HK2: variants seen among roughly 807,000 people sequenced by gnomAD.
The protein encoded by HK2 is hexokinase-2.
A neutral mutation model predicts 92.9 loss-of-function variants in HK2; 42 were observed. The ratio of observed to expected loss-of-function variants is 0.45; its 90% CI spans 0.35 to 0.58. The LOEUF is 0.58. Ranked by LOEUF, HK2 falls within the 20% of genes least tolerant of loss-of-function variation. The probability of loss-of-function intolerance (pLI) is 0.00; values close to 1 mark genes in which losing one functional copy is unlikely to be tolerated. For missense variants in HK2, 978 were observed against 1,245.1 expected (o/e 0.79, Z 3.23); for synonymous variants, 422 against 468.0 (o/e 0.90, Z 1.27).
chr2:74,881,659 A>G, intron 10 of HK2, 52 bp from the exon 11 acceptor site: 1 of 1,596,832 alleles, frequency 6.3e-7, no homozygotes, highest in Non-Finnish European at 8.6e-7. Context: ...TACTGTCTCC[A>G]CATTCCCCAT....
rs142840916 is a variant in HK2 at position 74,865,441 on chromosome 2, C to T, written c.227-2195C>T. 9.8e-4 allele frequency among the ~76,000 whole-genome samples: 149 copies of T among 152,136 alleles called. 2 individuals are homozygous for T. The highest frequency in any genetic ancestry group is 3.3e-3 in the African/African-American group (136 of 41,444). The stretch of plus-strand genomic sequence containing the variant: ...CTGTGGTCACTGATTCAGCGGATCG[C>T]GTGTATCCTGGACTTGAGAGTGCTG... On this transcript the variant is annotated intron_variant, in intron 2 of 17. Transcript: ENST00000290573.
rs143483695 is a variant in HK2, at chr2:74,850,320, T to G, written c.64-3973T>G. Among the ~76,000 whole-genome samples the G allele has an allele frequency of 1.4e-3, 213 of 152,334 alleles. 2 individuals carry two copies. The highest frequency in any genetic ancestry group is 4.9e-3 in the African/African-American group (205 of 41,572). ...CTTATCACAAGTGACAGAATGGAGA[T>G]TAGGCAGAAGTATCAGAAAGCAGAT... On this transcript the variant is annotated intron_variant, in intron 1 of 17. Transcript: ENST00000290573.
intron 2 of HK2, among the ~76,000 whole-genome samples, chr2:74,867,379 A>T (rs1688979243): frequency 6.6e-6 from 1 of 151,818 alleles, no homozygotes. Flanking sequence ...AGAGGAAAGG[A>T]TGGGAAGGGA....
chr2:74,872,855 C>A (rs965507548), intron 4 of HK2, among the ~76,000 whole-genome samples: 1 of 152,174 alleles, frequency 6.6e-6, no homozygotes, highest in Admixed American at 6.5e-5. Context: ...AGTGCACTTA[C>A]ACAAACCTAG....
rs758796077 is a variant in HK2 at position 74,845,383 on chromosome 2, C to T, written c.64-8910C>T. Among the ~76,000 whole-genome samples the T allele has an allele frequency of 7.8e-4, 119 of 152,332 alleles. 1 individual carries two copies. The Middle Eastern group carries it at 0.01, about 13-fold the overall frequency. On this transcript the variant is annotated intron_variant, in intron 1 of 17. Transcript: ENST00000290573. ...GGGTCACATGCATCTGGGACATAAT[C>T]CCCCTTTGCTCTGCTGCTCCGCAGT...
At chr2:74,856,134 T>A (rs1490823423) in intron 2 of HK2, among the ~76,000 whole-genome samples, 1 of 152,030 alleles carries the variant, frequency 6.6e-6, no homozygotes, top group South Asian at 2.1e-4. Flanking sequence ...TGGTGAGGCA[T>A]CTACAGGGGC....
rs748322426 is a variant in HK2 at position 74,880,320 on chromosome 2, C to T, written c.1321C>T (p.Arg441Cys). 5.6e-6 allele frequency: 9 copies of T among 1,614,058 alleles called. No homozygotes were observed. Among genetic ancestry groups the T allele is most frequent in the Middle Eastern group, 1.6e-4 (1 of 6,076 alleles). Reference sequence around the variant, plus strand: ...GCGGCTGGTGCCCGGCTGCGATGTCCGCTTCCTCCGCTCCGAGGATGGCAG... The same window carrying T: ...GCGGCTGGTGCCCGGCTGCGATGTCTGCTTCCTCCGCTCCGAGGATGGCAG... ...VRRLVPGCDV[R>C]FLRSEDGSGK... Residue 441 changes from arginine (R) to cysteine (C), a missense_variant, in exon 10 of 18, where the codon CGC (arginine) becomes TGC (cysteine). Physicochemically the swap from Arg to Cys is radical, Grantham distance 180. This residue lies in a region of HK2 where 742 missense variants were observed against 922.5 expected (regional missense o/e 0.80). Transcript: ENST00000290573.
Position 74,872,322 on chromosome 2 carries a change from G to T in HK2, c.398G>T (p.Cys133Phe). 6.2e-7 allele frequency: 1 copy of T among 1,614,032 alleles called. No individual in the cohort carries two copies. The highest frequency in any genetic ancestry group is 8.5e-7 in the Non-Finnish European group (1 of 1,179,968). Reference sequence around the variant, plus strand: ...TAGCTGTTTGACCACATTGCCGAATGCCTGGCTAACTTCATGGATAAGCTA... The same window carrying T: ...TAGCTGTTTGACCACATTGCCGAATTCCTGGCTAACTTCATGGATAAGCTA... ...GTQLFDHIAECLANFMDKLQI... is the reference protein window; with the variant it reads ...GTQLFDHIAEFLANFMDKLQI... Residue 133 changes from cysteine (C) to phenylalanine (F), a missense_variant, in exon 4 of 18, where the codon TGC (cysteine) becomes TTC (phenylalanine). Cys to Phe is a radical substitution (Grantham distance 205). This residue lies in a region of HK2 where 189 missense variants were observed against 289.5 expected (regional missense o/e 0.65). Transcript: ENST00000290573.
At position 74,874,326 on chromosome 2, in the gene HK2, A is replaced by T; in HGVS notation, c.752A>T (p.Asp251Val). The T allele has an allele frequency of 6.2e-7, 1 of 1,614,114 alleles. No individual in the cohort carries two copies. Among genetic ancestry groups the T allele is most frequent in the Non-Finnish European group, 8.5e-7 (1 of 1,180,036 alleles). The part of the protein sequence containing the change: ...EMRHIDMVEG[D>V]EGRMCINMEW... ...CGCCACATCGACATGGTGGAAGGCG[A>T]TGAGGGGCGGATGTGTATCAATATG... Residue 251 changes from aspartate to valine, a missense_variant, in exon 7 of 18, where the codon GAT (aspartate) becomes GTT (valine). Coordinates refer to ENST00000290573, the MANE Select transcript of HK2 (RefSeq NM_000189.5).
At chr2:74,887,476 G>A (rs971923344) in intron 15 of HK2, among the ~76,000 whole-genome samples, 2 of 152,016 alleles carry the variant, frequency 1.3e-5, no homozygotes, top group African/African-American at 4.8e-5. Context: ...AGTAATGATG[G>A]TTAGGTCCAA....
chr2:74,883,990 A>T (rs1226707420), intron 12 of HK2, among the ~76,000 whole-genome samples: 1 of 152,236 alleles, frequency 6.6e-6, no homozygotes, highest in Non-Finnish European at 1.5e-5. Context: ...TTATAAAAAA[A>T]CATAAAATAC....
intron 9 of HK2, 85 bp downstream of exon 9, chr2:74,879,006 T>C: frequency 2.5e-6 from 3 of 1,180,570 alleles, no homozygotes; most frequent in Non-Finnish European, 3.7e-6. Context: ...CCATTTTGCA[T>C]TTCAGGGGTG....
chr2:74,841,074 AC>A (rs1170118937), intron 1 of HK2, among the ~76,000 whole-genome samples: 3 of 152,074 alleles, frequency 2.0e-5, no homozygotes, highest in Non-Finnish European at 4.4e-5. Flanking sequence ...TGGGACAGAT[AC>A]GTTTTTTGTG....
chr2:74,834,564 C>T lies in HK2; in HGVS notation c.-17C>T. ...CCGCCTCGGTTTCCCAACTCTGCGCCGTCGGGCCGCGGCAGGATGATTGCC... is the reference window on the plus strand; with the variant it reads ...CCGCCTCGGTTTCCCAACTCTGCGCTGTCGGGCCGCGGCAGGATGATTGCC... On this transcript the variant is annotated 5_prime_UTR_variant, in exon 1 of 18. Coordinates refer to ENST00000290573, the MANE Select transcript of HK2 (RefSeq NM_000189.5). The surrounding 1 kb of genome is among the most constrained non-coding windows in gnomAD (Gnocchi z 4.2). 6.2e-7 allele frequency: 1 copy of T among 1,613,754 alleles called. No homozygotes were observed. The highest frequency in any genetic ancestry group is 8.5e-7 in the Non-Finnish European group (1 of 1,179,690).
intron 7 of HK2, 83 bp from the exon 8 acceptor site, chr2:74,877,083 G>C (rs972847963): frequency 3.2e-6 from 5 of 1,557,010 alleles, no homozygotes; most frequent in African/African-American, 2.7e-5. Context: ...GAAGTTGCAC[G>C]TGTGCGCATC....
At chr2:74,875,863 C>A (rs866283674) in intron 7 of HK2, among the ~76,000 whole-genome samples, 25 of 152,282 alleles carry the variant, frequency 1.6e-4, no homozygotes, top group Non-Finnish European at 2.4e-4. Context: ...GACAAATTTG[C>A]CAGCCAGACC....
intron 8 of HK2, 74 bp downstream of exon 8, chr2:74,877,395 G>A: frequency 6.5e-7 from 1 of 1,544,528 alleles, no homozygotes; most frequent in Non-Finnish European, 9.0e-7. Context: ...AATGAGGAGG[G>A]GGCTGTACCT....
chr2:74,847,648 T>C (rs759645511), intron 1 of HK2, among the ~76,000 whole-genome samples: 11 of 152,158 alleles, frequency 7.2e-5, no homozygotes, highest in Non-Finnish European at 1.3e-4. Flanking sequence ...GAGGCTGCAG[T>C]GAACCATGAT....
chr2:74,887,802 G>A (rs910282987), intron 15 of HK2, 101 bp from the exon 16 acceptor site: 54 of 1,048,646 alleles, frequency 5.1e-5, no homozygotes, highest in Admixed American at 4.4e-4. Flanking sequence ...CTGCCTGTCT[G>A]CCACTGCTGA....
Sources: allele counts gnomAD v4.1 joint callset (sites outside exome capture counted in the v4.1 genomes callset), GRCh38; gene constraint gnomAD v4.1.1; regional missense constraint gnomAD v4.1.1; non-coding constraint Gnocchi (gnomAD v3.1); transcripts MANE v1.5; gene names NCBI Gene and HGNC (gene_info 2026-07-23, HGNC 2026-07-21).